The following CUL2 variants were observed in gnomAD, a reference collection of about 807,000 sequenced individuals.
CUL2 encodes the protein cullin 2, also known as cullin-2.
In CUL2, 22 loss-of-function variants were observed where a neutral mutation model predicts 110.2. The ratio of observed to expected loss-of-function variants is 0.20; its 90% CI spans 0.14 to 0.28. The LOEUF (loss-of-function observed/expected upper bound fraction) is 0.28. Ranked by LOEUF, CUL2 falls within the 10% of genes least tolerant of loss-of-function variation. The pLI is 1.00. For missense variants in CUL2, 631 were observed against 905.5 expected (o/e 0.70, Z 3.89); for synonymous variants, 279 against 293.2 (o/e 0.95, Z 0.49).
chr10:35,116,172 G>T (rs1316822209), intron 1 of CUL2, among the ~76,000 whole-genome samples: 1 of 151,892 alleles, frequency 6.6e-6, no homozygotes, highest in Non-Finnish European at 1.5e-5. Flanking sequence ...GTGAAACTCT[G>T]TCTCTACTAA....
At chr10:35,082,210 T>C (rs958947284) in intron 1 of CUL2, among the ~76,000 whole-genome samples, 4 of 152,104 alleles carry the variant, frequency 2.6e-5, no homozygotes, top group African/African-American at 9.7e-5. Flanking sequence ...GAGCCAGACC[T>C]TGTCTCTCAA....
chr10:35,044,783 A>G lies in CUL2; in HGVS notation c.592T>C (p.Phe198Leu). 1.2e-6 allele frequency: 2 copies of G among 1,610,752 alleles called. No individual in the cohort carries two copies. The highest frequency in any genetic ancestry group is 2.2e-5 in the South Asian group (2 of 89,878). Reference protein sequence around the residue: ...FVHVEQYKKKFPLKFYQEIFE... With the variant: ...FVHVEQYKKKLPLKFYQEIFE... ...AGGAGGCTGTTTACCTTTAAGGGGA[A>G]TTTTTTCTTATACTGTTCAACATGA... The change falls in exon 7 of 21, where the codon TTC (phenylalanine) becomes CTC (leucine). Residue 198 changes from phenylalanine (F) to leucine (L), a missense_variant. Around this residue, in one of 3 missense-constraint regions of CUL2, gnomAD observed 338 missense variants for 442.5 expected, o/e 0.76. Transcript: ENST00000374749.
At chr10:35,125,247 G>C (rs1259179363) in intron 1 of CUL2, among the ~76,000 whole-genome samples, 2 of 152,138 alleles carry the variant, frequency 1.3e-5, no homozygotes, top group Non-Finnish European at 2.9e-5. Context: ...GTAAGTATGT[G>C]TATCTCACCT....
intron 5 of CUL2, among the ~76,000 whole-genome samples, chr10:35,052,851 C>T (rs1230224659): frequency 2.7e-5 from 4 of 149,162 alleles, no homozygotes; most frequent in African/African-American, 7.4e-5. Context: ...GCCAAGATCA[C>T]ACCACTGCAC....
intron 2 of CUL2, among the ~76,000 whole-genome samples, chr10:35,097,619 G>A (rs927318325): frequency 6.6e-6 from 1 of 151,798 alleles, no homozygotes; most frequent in Non-Finnish European, 1.5e-5. Context: ...TTACCTCTGT[G>A]ATCATCCTCC....
chr10:35,041,314 C>T lies in CUL2; in HGVS notation c.715-2232G>A, dbSNP rs1013489926. Among the ~76,000 whole-genome samples the T allele has an allele frequency of 2.0e-5, 3 of 151,990 alleles. No homozygotes were observed. In the South Asian group the frequency reaches 6.2e-4, roughly 32 times the overall value. ...ACAATGATAACTTGGGAGAGAGAGG[C>T]GCATATCAAGAGAAATGTAGAGAAG... is the stretch of plus-strand genomic sequence containing the variant. On this transcript the variant is annotated intron_variant, in intron 8 of 20. Coordinates refer to ENST00000374749, the MANE Select transcript of CUL2 (RefSeq NM_003591.4).
intron 10 of CUL2, among the ~76,000 whole-genome samples, chr10:35,034,617 GACAAACTGTTACAGT>G (rs547974564): frequency 3.3e-5 from 5 of 152,172 alleles, no homozygotes; most frequent in African/African-American, 1.2e-4. Flanking sequence ...TGATGGGAAA[GACAAACTGTTACAGT>G]ACAAACTGTT....
At chr10:35,037,981 C>T (rs546361911) in intron 9 of CUL2, among the ~76,000 whole-genome samples, 7 of 151,682 alleles carry the variant, frequency 4.6e-5, no homozygotes, top group Non-Finnish European at 1.5e-5. Context: ...GGTGACACCC[C>T]GTCTCTACTA....
At chr10:35,015,963 A>C (rs1322970432) in intron 18 of CUL2, among the ~76,000 whole-genome samples, 1 of 152,244 alleles carries the variant, frequency 6.6e-6, no homozygotes, top group Non-Finnish European at 1.5e-5. Flanking sequence ...AAGCTGTAAC[A>C]GTATAGGACA....
At chr10:35,079,661 A>G (rs1218247496) in intron 1 of CUL2, 1 of 154,610 alleles carries the variant, frequency 6.5e-6, no homozygotes, top group Non-Finnish European at 1.5e-5. Context: ...GAAGAAAAAG[A>G]AATTCTTATT....
At chr10:35,059,400 G>A (rs567158109) in intron 4 of CUL2, among the ~76,000 whole-genome samples, 6 of 152,146 alleles carry the variant, frequency 3.9e-5, no homozygotes, top group Non-Finnish European at 5.9e-5. Context: ...CATCAACACC[G>A]AGGTAAGAAG....
At chr10:35,086,017 GATAAAA>G (rs1256331040) in intron 1 of CUL2, among the ~76,000 whole-genome samples, 3 of 151,986 alleles carry the variant, frequency 2.0e-5, no homozygotes, top group Non-Finnish European at 4.4e-5. Flanking sequence ...AGTTGAAAAA[GATAAAA>G]ATAAAGAAAC....
intron 1 of CUL2, among the ~76,000 whole-genome samples, chr10:35,081,710 A>G (rs560933545): frequency 4.3e-4 from 66 of 152,202 alleles, no homozygotes; most frequent in African/African-American, 1.6e-3. Context: ...CCTGGGCAAC[A>G]TGGTGAACCC....
intron 2 of CUL2, among the ~76,000 whole-genome samples, chr10:35,070,473 C>T: frequency 6.6e-6 from 1 of 152,124 alleles, no homozygotes; most frequent in Non-Finnish European, 1.5e-5. Context: ...TGAGGGCAGC[C>T]CTTCTGTAGC....
chr10:35,035,271 G>C lies in CUL2; in HGVS notation c.903C>G (p.Leu301=), dbSNP rs758833604. The C allele has an allele frequency of 1.3e-4, 215 of 1,613,994 alleles. No homozygotes were observed. The highest frequency in any genetic ancestry group is 1.8e-4 in the Non-Finnish European group (212 of 1,179,994). Residue 301 remains leucine, a synonymous_variant, in exon 10 of 21, where the codon CTC becomes CTG. Coordinates refer to ENST00000374749, the MANE Select transcript of CUL2 (RefSeq NM_003591.4). ...GAGGTAAACCAGTGGACACAGCACG[G>C]AGTAAGACGTACATATTTGCCATGT... ...KNDMANMYVL[L]RAVSTGLPHM...
intron 1 of CUL2, among the ~76,000 whole-genome samples, chr10:35,080,371 A>G (rs4934716): frequency 0.34 from 51,621 of 151,944 alleles, 8,807 homozygotes; most frequent in South Asian, 0.35. Flanking sequence ...TTTGACCCAC[A>G]GAGCTCTAAG....
chr10:35,016,000 T>C (rs2085021813), intron 18 of CUL2, among the ~76,000 whole-genome samples, 192 bp downstream of exon 18: 1 of 152,218 alleles, frequency 6.6e-6, no homozygotes, highest in Non-Finnish European at 1.5e-5. Context: ...AAACGGCACA[T>C]GGCACCAACT....
upstream of CUL2, among the ~76,000 whole-genome samples, chr10:35,094,764 C>A (rs115599381): frequency 2.6e-5 from 4 of 151,998 alleles, no homozygotes; most frequent in African/African-American, 9.7e-5. Flanking sequence ...AAATAATATT[C>A]GTAAAATAGT....
chr10:35,068,583 T>G (rs1185595041), intron 2 of CUL2, among the ~76,000 whole-genome samples: 1 of 152,214 alleles, frequency 6.6e-6, no homozygotes, highest in Non-Finnish European at 1.5e-5. Context: ...CTATTGATAA[T>G]GTAATTGCTT....
Sources: allele counts gnomAD v4.1 joint callset (sites outside exome capture counted in the v4.1 genomes callset), GRCh38; gene constraint gnomAD v4.1.1; regional missense constraint gnomAD v4.1.1; transcripts MANE v1.5; gene names NCBI Gene and HGNC (gene_info 2026-07-23, HGNC 2026-07-21).